The following RBFOX1 variants were observed in gnomAD, a reference collection of about 807,000 sequenced individuals.
RBFOX1 encodes the protein RNA binding protein fox-1 homolog 1.
A neutral mutation model predicts 57.7 loss-of-function variants in RBFOX1; 8 were observed. The ratio of observed to expected loss-of-function variants is 0.14; its 90% CI spans 0.08 to 0.25. The LOEUF (loss-of-function observed/expected upper bound fraction) is 0.25, where lower values mean the gene tolerates loss of function less well. RBFOX1 is among the 10% of genes least tolerant of loss of function. RBFOX1 has a pLI of 1.00. For synonymous variants in RBFOX1, 326 were observed against 222.4 expected, an observed-to-expected ratio of 1.47 and a Z score of -4.15; for missense variants, 611 against 548.5, an observed-to-expected ratio of 1.11 and a Z score of -1.14.
At chr16:5,467,276 A>C in intron 2 of RBFOX1, 1 of 1,475,478 alleles carries the variant, frequency 6.8e-7, no homozygotes, top group Non-Finnish European at 9.1e-7. Context: ...TTTTGTCCTG[A>C]CTTAGGATGT....
intron 3 of RBFOX1, among the ~76,000 whole-genome samples, chr16:5,863,637 CAGCGT>C (rs1328523135): frequency 6.6e-6 from 1 of 152,156 alleles, no homozygotes; most frequent in East Asian, 1.9e-4. Flanking sequence ...ACTCTGAATG[CAGCGT>C]AGAGAGGGTT....
chr16:6,654,695 A>G (rs930986176), intron 3 of RBFOX1, 45 bp downstream of exon 3: 10 of 1,433,034 alleles, frequency 7.0e-6, no homozygotes, highest in Non-Finnish European at 6.5e-6. Context: ...CAAAACAAGA[A>G]CTCTGTGAAT....
At chr16:7,695,210 G>T (rs537734655) in intron 14 of RBFOX1, among the ~76,000 whole-genome samples, 1 of 152,056 alleles carries the variant, frequency 6.6e-6, no homozygotes, top group Non-Finnish European at 1.5e-5. Context: ...ATAAGGTTCC[G>T]TTTGAACTCT....
chr16:7,690,062 C>G (rs1330587953), intron 14 of RBFOX1, among the ~76,000 whole-genome samples: 1 of 152,104 alleles, frequency 6.6e-6, no homozygotes, highest in Non-Finnish European at 1.5e-5. Flanking sequence ...TTCCTTGAAT[C>G]CACTTCCTTG....
intron 1 of RBFOX1, among the ~76,000 whole-genome samples, chr16:6,102,549 T>C (rs2096325910): frequency 1.3e-5 from 2 of 151,472 alleles, no homozygotes; most frequent in African/African-American, 2.4e-5. Context: ...TTCAGGATAA[T>C]TCTCTCTCTC....
At chr16:5,272,491 C>T (rs2063037675) in intron 1 of RBFOX1, among the ~76,000 whole-genome samples, 1 of 152,192 alleles carries the variant, frequency 6.6e-6, no homozygotes. Flanking sequence ...GAGATTTCTA[C>T]TGAGATCAGT....
chr16:6,966,410 C>A (rs1457521303), intron 3 of RBFOX1, among the ~76,000 whole-genome samples: 2 of 152,052 alleles, frequency 1.3e-5, no homozygotes, highest in Admixed American at 6.5e-5. Context: ...GGGTACATGA[C>A]CCTGGGGGGT....
chr16:6,184,298 C>T (rs12448335), intron 1 of RBFOX1, among the ~76,000 whole-genome samples: 38,242 of 151,980 alleles, frequency 0.25, 5,120 homozygotes, highest in South Asian at 0.35. Flanking sequence ...AGCAACATGA[C>T]ATCATGCCCA....
chr16:6,178,377 G>T (rs192529120), intron 1 of RBFOX1, among the ~76,000 whole-genome samples: 30 of 151,936 alleles, frequency 2.0e-4, no homozygotes, highest in Non-Finnish European at 3.4e-4. Context: ...TATAGATGGG[G>T]TTTTGCCATG....
intron 3 of RBFOX1, among the ~76,000 whole-genome samples, chr16:6,926,043 T>C (rs1324470671): frequency 1.3e-5 from 2 of 152,114 alleles, no homozygotes; most frequent in African/African-American, 4.8e-5. Context: ...GCTTGGTGGC[T>C]CGTGTTAGTC....
chr16:6,327,517 G>A (rs1238303356), intron 2 of RBFOX1, among the ~76,000 whole-genome samples: 3 of 151,872 alleles, frequency 2.0e-5, no homozygotes, highest in Non-Finnish European at 4.4e-5. Context: ...GTTGTATTTT[G>A]GGCTTTCTGC....
At chr16:6,555,433 C>T (rs909854724) in intron 2 of RBFOX1, among the ~76,000 whole-genome samples, 1 of 152,172 alleles carries the variant, frequency 6.6e-6, no homozygotes, top group South Asian at 2.1e-4. Context: ...GGCACGGTGG[C>T]TCACACCTGT....
intron 3 of RBFOX1, among the ~76,000 whole-genome samples, chr16:6,994,083 G>A (rs749728420): frequency 3.9e-5 from 6 of 152,252 alleles, no homozygotes; most frequent in Non-Finnish European, 8.8e-5. Flanking sequence ...CACTTTAGCT[G>A]TTGCTGACAT....
intron 1 of RBFOX1, among the ~76,000 whole-genome samples, chr16:6,075,059 T>C (rs2152493715): frequency 6.6e-6 from 1 of 152,302 alleles, no homozygotes; most frequent in South Asian, 2.1e-4. Flanking sequence ...GGGGGTTCTT[T>C]CACTAGAGAA....
chr16:5,534,760 C>G (rs2044630370), intron 2 of RBFOX1, among the ~76,000 whole-genome samples: 1 of 152,176 alleles, frequency 6.6e-6, no homozygotes, highest in Admixed American at 6.5e-5. Flanking sequence ...AACAATACTT[C>G]ACGAGCTATG....
chr16:7,675,775 G>A (rs1336627432), intron 13 of RBFOX1, among the ~76,000 whole-genome samples: 1 of 152,188 alleles, frequency 6.6e-6, no homozygotes, highest in East Asian at 1.9e-4. Context: ...TGGTGATGGT[G>A]AGGACACTTA....
intron 2 of RBFOX1, among the ~76,000 whole-genome samples, chr16:6,487,598 GA>G (rs1195922913): frequency 7.2e-6 from 1 of 139,364 alleles, no homozygotes; most frequent in Non-Finnish European, 1.6e-5. Flanking sequence ...TGAAGGCCAG[GA>G]AAGACTTTTC....
chr16:6,816,231 T>C (rs952055780), intron 3 of RBFOX1, among the ~76,000 whole-genome samples: 3 of 152,242 alleles, frequency 2.0e-5, no homozygotes, highest in Non-Finnish European at 4.4e-5. Context: ...ATTGCTTCAG[T>C]ACTGGAGTTC....
intron 1 of RBFOX1, among the ~76,000 whole-genome samples, chr16:5,255,354 C>CCCTCCATCCCTCCATCCA (rs1555468931): frequency 1.2e-5 from 1 of 86,256 alleles, no homozygotes; most frequent in Non-Finnish European, 2.8e-5. Flanking sequence ...CCATCCATCC[C>CCCTCCATCCCTCCATCCA]TCCATCCATC....
Sources: allele counts gnomAD v4.1 joint callset (sites outside exome capture counted in the v4.1 genomes callset), GRCh38; gene constraint gnomAD v4.1.1; transcripts MANE v1.5; gene names NCBI Gene and HGNC (gene_info 2026-07-23, HGNC 2026-07-21).